The following GPR33 variants were observed in gnomAD, a reference collection of about 807,000 sequenced individuals.
GPR33 encodes G protein-coupled receptor 33.
Under a neutral mutation model 3.1 loss-of-function variants are expected in GPR33, and 4 were observed. The ratio of observed to expected loss-of-function variants is 1.29; its 90% CI spans 0.64 to 2.96. The LOEUF is 2.96. GPR33 is among the 30% of genes most tolerant of loss of function. GPR33 has a pLI of 0.01. For missense variants in GPR33, 390 were observed against 388.9 expected (o/e 1.00, Z -0.02); for synonymous variants, 138 against 142.0 (o/e 0.97, Z 0.20).
At chr14:31,486,247 A>G (rs1385054201) in intron 1 of GPR33, among the ~76,000 whole-genome samples, 1 of 152,124 alleles carries the variant, frequency 6.6e-6, no homozygotes, top group African/African-American at 2.4e-5. Flanking sequence ...ACAGGTGTGC[A>G]GCACCACATT....
intron 1 of GPR33, among the ~76,000 whole-genome samples, chr14:31,487,188 G>A (rs1224127652): frequency 6.6e-6 from 1 of 152,158 alleles, no homozygotes; most frequent in African/African-American, 2.4e-5. Context: ...TCTGATCAAT[G>A]TTGGTAGTGA....
Position 31,483,728 on chromosome 14 carries a change from T to G in GPR33, c.238A>C (p.Ile80Leu). The G allele has an allele frequency of 6.5e-7, 1 of 1,536,102 alleles. No homozygotes were observed. The change falls in exon 2 of 2, where the codon ATT (isoleucine) becomes CTT (leucine). Residue 80 changes from isoleucine (I) to leucine (L), a missense_variant. Coordinates refer to ENST00000399285, the MANE Select transcript of GPR33 (RefSeq NM_001197184.3). Reference protein sequence around the residue: ...LILSYFISTMILPFMATSQLQ... With the variant: ...LILSYFISTMLLPFMATSQLQ... ...TGGGAGGTGGCCATAAATGGCAGAA[T>G]CATTGTTGAAATAAAATAAGAGAGA...
chr14:31,482,921 G>A lies in GPR33; in HGVS notation c.*43C>T, dbSNP rs73265120. On this transcript the variant is annotated 3_prime_UTR_variant, in exon 2 of 2. Transcript: ENST00000399285. Reference sequence around the variant, plus strand: ...CCTATTGGTATAATTGACCAAGTGCGTGTTTGCTTAAGAATCTAGAATTTA... The same window carrying A: ...CCTATTGGTATAATTGACCAAGTGCATGTTTGCTTAAGAATCTAGAATTTA... The A allele has an allele frequency of 4.6e-3, 6,566 of 1,437,350 alleles. 154 individuals carry two copies. In the East Asian group the frequency reaches 0.066, roughly 14 times the overall value. The allele number at this position is 1,437,350 out of a possible 1,614,324, so 89.0% of individuals were successfully genotyped here.
intron 1 of GPR33, 35 bp from the exon 2 acceptor site, chr14:31,484,006 A>AAAAAGC (rs1219350454): frequency 3.2e-5 from 46 of 1,439,444 alleles, no homozygotes; most frequent in Non-Finnish European, 4.0e-5. Flanking sequence ...TAACAACAAG[A>AAAAAGC]AAAAGCAAAA....
chr14:31,484,082 T>C lies in GPR33; in HGVS notation c.-6-111A>G, dbSNP rs545093657. The C allele has an allele frequency of 1.9e-4, 167 of 879,170 alleles. No homozygotes were observed. The African/African-American group carries it at 2.6e-3, about 14-fold the overall frequency. 54.5% of individuals were successfully genotyped at this position (879,170 alleles called of 1,614,324 possible). On this transcript the variant is annotated intron_variant, in intron 1 of 1. Coordinates refer to ENST00000399285, the MANE Select transcript of GPR33 (RefSeq NM_001197184.3). The stretch of plus-strand genomic sequence containing the variant: ...ATAGTGATACTTCTAGTCCAAATGA[T>C]AATATTTTAACAGCAGTAAGCAAAA...
chr14:31,484,859 G>A (rs1178983501), intron 1 of GPR33, among the ~76,000 whole-genome samples: 1 of 151,928 alleles, frequency 6.6e-6, no homozygotes. Context: ...TATTCATATG[G>A]GAGCTGTAAG....
In GPR33 at chr14:31,487,432, G is replaced by GTTTTT. The variant is rs752227440; in HGVS notation, c.-7+460_-7+464dup. 6.3e-3 allele frequency among the ~76,000 whole-genome samples: 440 copies of GTTTTT among 70,388 alleles called. 65 individuals carry two copies. The highest frequency in any genetic ancestry group is 9.0e-3 in the Non-Finnish European group (355 of 39,390). 46.2% of individuals were successfully genotyped at this position (70,388 alleles called of 152,430 possible). On this transcript the variant is annotated intron_variant, in intron 1 of 1. Transcript: ENST00000399285. ...ACTTTTTCTCCTGCTAAGCCCCTCA[G>GTTTTT]TTTTTTTTTTTTTTTTTTTTTTTTT... is the stretch of plus-strand genomic sequence containing the variant.
chr14:31,483,802 C>G lies in GPR33; in HGVS notation c.164G>C (p.Arg55Thr), dbSNP rs1566803982. 6.5e-7 allele frequency: 1 copy of G among 1,536,106 alleles called. No homozygotes were observed. ...ATTGACAGTCTGTTTCATCTTGAAT[C>G]TTAGCACCCATAGATAGAGGCCATT... ...ITNGLYLWVL[R>T]FKMKQTVNTL... The change falls in exon 2 of 2, where the codon AGA (arginine) becomes ACA (threonine). Residue 55 changes from arginine to threonine, a missense_variant. By Grantham distance (71) the Arg-to-Thr change is moderately conservative (BLOSUM62 -1). Coordinates refer to ENST00000399285, the MANE Select transcript of GPR33 (RefSeq NM_001197184.3).
chr14:31,483,225 C>A lies in GPR33; in HGVS notation c.741G>T (p.Met247Ile). The change falls in exon 2 of 2, where the codon ATG (methionine) becomes ATT (isoleucine). Residue 247 changes from methionine to isoleucine, a missense_variant. Met to Ile is a conservative substitution (Grantham distance 10). Transcript: ENST00000399285. ...LFKSSKPFKV[M>I]MTAIISFFVC... Reference sequence around the variant, plus strand: ...CAAAGAAAGAGATAATGGCAGTCATCATAACTTTGAAGGGCTTGCTGGATT... The same window carrying A: ...CAAAGAAAGAGATAATGGCAGTCATAATAACTTTGAAGGGCTTGCTGGATT... The A allele has an allele frequency of 6.5e-7, 1 of 1,536,106 alleles. No individual in the cohort carries two copies. The highest frequency in any genetic ancestry group is 8.7e-7 in the Non-Finnish European group (1 of 1,146,904).
At position 31,485,439 on chromosome 14, in the gene GPR33, T is replaced by G. The variant is rs992766528; in HGVS notation, c.-6-1468A>C. ...TCACAAGGTCAGGAGATCGAGACCA[T>G]CCTGGCCAACATGGTGAAACCCCGT... On this transcript the variant is annotated intron_variant, in intron 1 of 1. Coordinates refer to ENST00000399285, the MANE Select transcript of GPR33 (RefSeq NM_001197184.3). 2.4e-4 allele frequency among the ~76,000 whole-genome samples: 36 copies of G among 151,168 alleles called. 1 individual carries two copies. The highest frequency in any genetic ancestry group is 6.4e-3 in the Middle Eastern group (2 of 314).
Position 31,483,710 on chromosome 14 carries a change from TGGCCATAAATG to T in GPR33, c.245_255del (p.Pro82HisfsTer40). 2.6e-6 allele frequency: 4 copies of T among 1,536,034 alleles called. No homozygotes were observed. The highest frequency in any genetic ancestry group is 3.5e-6 in the Non-Finnish European group (4 of 1,146,886). On this transcript the variant is annotated frameshift_variant, in exon 2 of 2. Transcript: ENST00000399285. LOFTEE classifies it low-confidence loss of function (END_TRUNC). ...CAGTGATTGTCTTGAAGTTGGGAGG[TGGCCATAAATG>T]GCAGAATCATTGTTGAAATAAAATA... is the stretch of plus-strand genomic sequence containing the variant.
At chr14:31,487,432 GTTTTTTT>G (rs752227440) in intron 1 of GPR33, among the ~76,000 whole-genome samples, 8 of 70,380 alleles carry the variant, frequency 1.1e-4, no homozygotes, top group East Asian at 4.2e-4. Context: ...AAGCCCCTCA[GTTTTTTT>G]TTTTTTTTTT....
At position 31,483,915 on chromosome 14, in the gene GPR33, T is replaced by C. The variant is rs1398172915; in HGVS notation, c.51A>G (p.Val17=). ...TDYLINASTL[V]RNSTQFLAPA... is the part of the protein sequence containing the mutation. The stretch of plus-strand genomic sequence containing the variant: ...GAGCTAGAAACTGAGTGCTGTTTCT[T>C]ACTAAAGTAGAGGCATTGATCAGGT... Residue 17 remains valine, a synonymous_variant, in exon 2 of 2, where the codon GTA becomes GTG. Coordinates refer to ENST00000399285, the MANE Select transcript of GPR33 (RefSeq NM_001197184.3). The C allele has an allele frequency of 2.6e-6, 4 of 1,535,824 alleles. No homozygotes were observed. The highest frequency in any genetic ancestry group is 3.5e-6 in the Non-Finnish European group (4 of 1,146,760).
At position 31,482,921 on chromosome 14, in the gene GPR33, G is replaced by T; in HGVS notation, c.*43C>A. On this transcript the variant is annotated 3_prime_UTR_variant, in exon 2 of 2. Coordinates refer to ENST00000399285, the MANE Select transcript of GPR33 (RefSeq NM_001197184.3). ...CCTATTGGTATAATTGACCAAGTGC[G>T]TGTTTGCTTAAGAATCTAGAATTTA... 7.0e-7 allele frequency: 1 copy of T among 1,437,362 alleles called. No homozygotes were observed. Among genetic ancestry groups the T allele is most frequent in the Non-Finnish European group, 9.2e-7 (1 of 1,092,542 alleles). 89.0% of individuals were successfully genotyped at this position (1,437,362 alleles called of 1,614,324 possible).
At chr14:31,484,563 G>GT (rs1458735801) in intron 1 of GPR33, among the ~76,000 whole-genome samples, 41 of 152,312 alleles carry the variant, frequency 2.7e-4, no homozygotes, top group Middle Eastern at 3.4e-3. Context: ...GGGATGACAG[G>GT]TGTGAGGCAC....
chr14:31,482,889 G>C lies in GPR33; in HGVS notation c.*75C>G. The C allele has an allele frequency of 8.2e-7, 1 of 1,226,044 alleles. No homozygotes were observed. Among genetic ancestry groups the C allele is most frequent in the South Asian group, 1.6e-5 (1 of 62,630 alleles). The allele number at this position is 1,226,044 out of a possible 1,614,324, so 75.9% of individuals were successfully genotyped here. On this transcript the variant is annotated 3_prime_UTR_variant, in exon 2 of 2. Coordinates refer to ENST00000399285, the MANE Select transcript of GPR33 (RefSeq NM_001197184.3). ...GGGACTATAGCATACAAAAGCAGAAGGTATATCCTATTGGTATAATTGACC... is the reference window on the plus strand; with the variant it reads ...GGGACTATAGCATACAAAAGCAGAACGTATATCCTATTGGTATAATTGACC...
chr14:31,484,120 T>C (rs1027750537), intron 1 of GPR33, 149 bp from the exon 2 acceptor site: 12 of 619,274 alleles, frequency 1.9e-5, no homozygotes, highest in Non-Finnish European at 3.0e-5. Context: ...TTTCTGCAAA[T>C]CAAATATTTT....
In GPR33 at chr14:31,483,488, T is replaced by C. The variant is rs1255392221; in HGVS notation, c.478A>G (p.Ser160Gly). 2.0e-6 allele frequency: 3 copies of C among 1,536,130 alleles called. 1 individual carries two copies. The highest frequency in any genetic ancestry group is 2.4e-5 in the South Asian group (2 of 84,058). ...LGVWISAAAL[S>G]IPYLIFRETH... is the part of the protein sequence containing the mutation. ...TCTCTGAAAATCAAATAGGGGATGC[T>C]GAGGGCAGCGGCTGAAATCCAGACT... Residue 160 changes from serine to glycine, a missense_variant, in exon 2 of 2, where the codon AGC becomes GGC. Coordinates refer to ENST00000399285, the MANE Select transcript of GPR33 (RefSeq NM_001197184.3).
intron 1 of GPR33, among the ~76,000 whole-genome samples, chr14:31,486,961 A>C (rs1315930849): frequency 6.6e-6 from 1 of 151,684 alleles, no homozygotes; most frequent in Middle Eastern, 3.2e-3. Flanking sequence ...ATCTCTGTGT[A>C]TGTATGTGTC....
Sources: allele counts gnomAD v4.1 joint callset (sites outside exome capture counted in the v4.1 genomes callset), GRCh38; gene constraint gnomAD v4.1.1; transcripts MANE v1.5; gene names NCBI Gene and HGNC (gene_info 2026-07-23, HGNC 2026-07-21).